Variants in MACROD2 observed in about 807,000 individuals in gnomAD.
MACROD2 encodes the protein mono-ADP ribosylhydrolase 2.
A neutral mutation model predicts 70.4 loss-of-function variants in MACROD2; 36 were observed. The ratio of observed to expected loss-of-function variants is 0.51; its 90% CI spans 0.39 to 0.68. MACROD2 has a LOEUF of 0.68. Among genes scored for constraint, MACROD2 ranks in the 30% least tolerant of loss-of-function variants. The pLI is 0.00. For missense variants in MACROD2, 496 were observed against 538.4 expected, an observed-to-expected ratio of 0.92 and a Z score of 0.78; for synonymous variants, 172 against 178.8, an observed-to-expected ratio of 0.96 and a Z score of 0.30.
chr20:14,393,586 C>T (rs915975708), intron 3 of MACROD2, among the ~76,000 whole-genome samples: 3 of 152,152 alleles, frequency 2.0e-5, no homozygotes, highest in African/African-American at 7.2e-5. Flanking sequence ...CCTCATTCCT[C>T]CCTTTCTTTC....
intron 4 of MACROD2, among the ~76,000 whole-genome samples, chr20:14,573,851 G>T (rs1283065536): frequency 6.6e-6 from 1 of 152,144 alleles, no homozygotes; most frequent in Non-Finnish European, 1.5e-5. Context: ...TTCACTGGTA[G>T]GAGCCAAGCT....
At chr20:15,811,152 C>A (rs2063816932) in intron 8 of MACROD2, among the ~76,000 whole-genome samples, 1 of 152,156 alleles carries the variant, frequency 6.6e-6, no homozygotes, top group South Asian at 2.1e-4. Flanking sequence ...GAACAGGCAA[C>A]CCACAAAATG....
chr20:15,775,188 T>C (rs2051701189), intron 8 of MACROD2, among the ~76,000 whole-genome samples: 1 of 152,086 alleles, frequency 6.6e-6, no homozygotes, highest in African/African-American at 2.4e-5. Flanking sequence ...AGAAGAAACA[T>C]GCACAGATCC....
intron 8 of MACROD2, among the ~76,000 whole-genome samples, chr20:15,823,331 T>C: frequency 6.6e-6 from 1 of 151,838 alleles, no homozygotes; most frequent in Non-Finnish European, 1.5e-5. Flanking sequence ...TCTATAGCTG[T>C]CTATGCGAAG....
At chr20:15,084,395 C>G (rs2075731568) in intron 5 of MACROD2, among the ~76,000 whole-genome samples, 1 of 152,032 alleles carries the variant, frequency 6.6e-6, no homozygotes, top group South Asian at 2.1e-4. Context: ...ATCTCTCTTG[C>G]TTTTCCTCTT....
chr20:14,655,933 A>G (rs1021292246), intron 4 of MACROD2, among the ~76,000 whole-genome samples: 1 of 152,160 alleles, frequency 6.6e-6, no homozygotes, highest in Non-Finnish European at 1.5e-5. Flanking sequence ...ACCATAGCTT[A>G]TTATACATGG....
intron 8 of MACROD2, among the ~76,000 whole-genome samples, chr20:15,819,550 T>C (rs1215967498): frequency 6.7e-6 from 1 of 149,146 alleles, no homozygotes; most frequent in Admixed American, 6.8e-5. Context: ...TAAACATATA[T>C]ATAAAATATA....
chr20:14,143,479 A>G (rs1393583256), intron 3 of MACROD2, among the ~76,000 whole-genome samples: 2 of 152,106 alleles, frequency 1.3e-5, no homozygotes, highest in Non-Finnish European at 2.9e-5. Context: ...TCACAATGTG[A>G]TAATTCTGTT....
intron 7 of MACROD2, among the ~76,000 whole-genome samples, chr20:15,449,564 C>A (rs2046613402): frequency 6.6e-6 from 1 of 152,200 alleles, no homozygotes; most frequent in Non-Finnish European, 1.5e-5. Flanking sequence ...ATATTCACTT[C>A]ATATATAAGC....
intron 8 of MACROD2, among the ~76,000 whole-genome samples, chr20:15,760,187 G>A (rs2051414657): frequency 6.6e-6 from 1 of 152,224 alleles, no homozygotes; most frequent in Admixed American, 6.5e-5. Flanking sequence ...ATCGTGAGGA[G>A]TGTCTCGGCT....
At chr20:15,457,815 G>T (rs2046748624) in intron 7 of MACROD2, among the ~76,000 whole-genome samples, 2 of 151,948 alleles carry the variant, frequency 1.3e-5, no homozygotes, top group South Asian at 4.1e-4. Flanking sequence ...ATCTTTTAGA[G>T]TTGCTTAGAC....
intron 6 of MACROD2, among the ~76,000 whole-genome samples, chr20:15,235,779 A>G (rs1025581084): frequency 6.6e-6 from 1 of 152,200 alleles, no homozygotes; most frequent in Non-Finnish European, 1.5e-5. Flanking sequence ...GCAGCCTTAA[A>G]AAGCTGACCC....
At chr20:15,048,117 T>TA (rs368002923) in intron 5 of MACROD2, among the ~76,000 whole-genome samples, 26,896 of 149,918 alleles carry the variant, frequency 0.18, 2,560 homozygotes, top group African/African-American at 0.21. Context: ...AATAAATAAA[T>TA]AATAAAAAAT....
At chr20:15,595,019 C>T (rs1369637309) in intron 8 of MACROD2, among the ~76,000 whole-genome samples, 3 of 152,132 alleles carry the variant, frequency 2.0e-5, no homozygotes, top group Non-Finnish European at 4.4e-5. Context: ...TTTACTCTTC[C>T]CAGTGTTGCT....
intron 3 of MACROD2, among the ~76,000 whole-genome samples, chr20:14,319,866 C>T (rs2082643644): frequency 6.6e-6 from 1 of 152,086 alleles, no homozygotes; most frequent in Non-Finnish European, 1.5e-5. Context: ...TCTTTTCTCT[C>T]TGCTTATTTT....
chr20:14,438,584 G>GT (rs577468646), intron 3 of MACROD2, among the ~76,000 whole-genome samples: 84 of 152,066 alleles, frequency 5.5e-4, no homozygotes, highest in Non-Finnish European at 9.9e-4. Context: ...GTTAGCTCTT[G>GT]TTTTTTGATA....
intron 3 of MACROD2, among the ~76,000 whole-genome samples, chr20:14,246,202 G>C (rs1217373715): frequency 3.3e-5 from 5 of 152,134 alleles, no homozygotes; most frequent in Non-Finnish European, 5.9e-5. Context: ...TTTCCTCTAA[G>C]ATCCCACAGC....
At chr20:15,603,275 G>A (rs1328697027) in intron 8 of MACROD2, among the ~76,000 whole-genome samples, 1 of 151,964 alleles carries the variant, frequency 6.6e-6, no homozygotes, top group Admixed American at 6.6e-5. Context: ...GAAGCAGGTG[G>A]ATCCTTTGAG....
intron 3 of MACROD2, 141 bp downstream of exon 3, chr20:14,085,869 A>C (rs2054070346): frequency 4.0e-6 from 2 of 506,172 alleles, no homozygotes; most frequent in Admixed American, 3.8e-5. Flanking sequence ...TTGATTAAAA[A>C]CATTGGAGAT....
Sources: allele counts gnomAD v4.1 joint callset (sites outside exome capture counted in the v4.1 genomes callset), GRCh38; gene constraint gnomAD v4.1.1; transcripts MANE v1.5; gene names NCBI Gene and HGNC (gene_info 2026-07-23, HGNC 2026-07-21).